PCMTD1: variants seen among roughly 807,000 people sequenced by gnomAD.
PCMTD1 encodes protein-L-isoaspartate (D-aspartate) O-methyltransferase domain containing 1, also known as protein-L-isoaspartate O-methyltransferase domain-containing protein 1.
Under a neutral mutation model 37.6 loss-of-function variants are expected in PCMTD1, and 12 were observed. The ratio of observed to expected loss-of-function variants is 0.32; its 90% CI spans 0.20 to 0.52. The LOEUF is 0.52. Among genes scored for constraint, PCMTD1 ranks in the 20% least tolerant of loss-of-function variants. PCMTD1 has a pLI of 0.97. For synonymous variants in PCMTD1, 117 were observed against 135.8 expected, an observed-to-expected ratio of 0.86 and a Z score of 0.96; for missense variants, 235 against 421.3, an observed-to-expected ratio of 0.56 and a Z score of 3.87.
chr8:51,897,634 G>A (rs905358742), intron 1 of PCMTD1, among the ~76,000 whole-genome samples: 4 of 152,162 alleles, frequency 2.6e-5, no homozygotes, highest in Admixed American at 6.5e-5. Flanking sequence ...TGCTTAATAC[G>A]AAAGTAATGT....
intron 1 of PCMTD1, among the ~76,000 whole-genome samples, chr8:51,875,983 T>C (rs1456699713): frequency 6.6e-5 from 10 of 151,966 alleles, no homozygotes; most frequent in Admixed American, 4.6e-4. Context: ...TGTGTGCATG[T>C]GCGTGCACGC....
rs567207466 is a variant in PCMTD1, at chr8:51,893,563, T to C, written c.-96+5367A>G. On this transcript the variant is annotated intron_variant, in intron 1 of 5. Transcript: ENST00000522514. ...AAGATCAGAGAGTTTATGAGAATAT[T>C]GCAGCTCATTAGAAAACTTGTCTGA... Among the ~76,000 whole-genome samples the C allele has an allele frequency of 7.0e-4, 106 of 152,326 alleles. 1 individual carries two copies. In the South Asian group the frequency reaches 0.022, roughly 31 times the overall value.
rs34125033 is a variant in PCMTD1, at chr8:51,896,883, C to CAAA, written c.-96+2044_-96+2046dup. Reference sequence around the variant, plus strand: ...TCCTGAATATAAACACGCACTATTACAAAAAAAAAAAAAAAGCAATGGGAT... The same window carrying CAAA: ...TCCTGAATATAAACACGCACTATTACAAAAAAAAAAAAAAAAAAGCAATGGGAT... On this transcript the variant is annotated intron_variant, in intron 1 of 5. Coordinates refer to ENST00000522514, the MANE Select transcript of PCMTD1 (RefSeq NM_052937.4). 1.2e-4 allele frequency among the ~76,000 whole-genome samples: 16 copies of CAAA among 128,896 alleles called. No individual in the cohort carries two copies. The South Asian group carries it at 1.4e-3, about 11-fold the overall frequency. 84.6% of individuals were successfully genotyped at this position (128,896 alleles called of 152,430 possible).
At chr8:51,850,265 G>C (rs181084766) in intron 2 of PCMTD1, among the ~76,000 whole-genome samples, 1 of 152,056 alleles carries the variant, frequency 6.6e-6, no homozygotes, top group African/African-American at 2.4e-5. Flanking sequence ...TAATGTAATC[G>C]ACAAACTGTT....
At chr8:51,879,838 T>C (rs897296687) in intron 1 of PCMTD1, among the ~76,000 whole-genome samples, 1 of 152,122 alleles carries the variant, frequency 6.6e-6, no homozygotes, top group Non-Finnish European at 1.5e-5. Flanking sequence ...AAAGGGTTGA[T>C]AGCCAAATTT....
chr8:51,839,615 G>A (rs897263075), intron 3 of PCMTD1: 16 of 985,116 alleles, frequency 1.6e-5, no homozygotes, highest in African/African-American at 3.5e-5. Context: ...CCTCTTAGAC[G>A]GATAGTCTAG....
At chr8:51,888,801 A>G (rs1013622) in intron 1 of PCMTD1, among the ~76,000 whole-genome samples, 77,165 of 152,092 alleles carry the variant, frequency 0.51, 23,691 homozygotes, top group Non-Finnish European at 0.68. Flanking sequence ...TTAGTTCTAC[A>G]GTCTTAGCAA....
rs186567494 is a variant in PCMTD1 at position 51,853,386 on chromosome 8, T to C, written c.307+7459A>G. ...ACTCAGCCTAGGGAAGACTTTGTCA[T>C]AGAAAAACAAAGACAATTCTGTAGG... On this transcript the variant is annotated intron_variant, in intron 2 of 5. Coordinates refer to ENST00000522514, the MANE Select transcript of PCMTD1 (RefSeq NM_052937.4). Among the ~76,000 whole-genome samples, 329 of 152,198 alleles carry C rather than the reference T, an allele frequency of 2.2e-3. 2 individuals carry two copies. Among genetic ancestry groups the C allele is most frequent in the African/African-American group, 7.5e-3 (310 of 41,536 alleles).
intron 1 of PCMTD1, among the ~76,000 whole-genome samples, chr8:51,887,905 G>C (rs1563363987): frequency 6.6e-6 from 1 of 151,860 alleles, no homozygotes; most frequent in South Asian, 2.1e-4. Context: ...ACCACACTCA[G>C]CTAATTTTTT....
intron 3 of PCMTD1, among the ~76,000 whole-genome samples, chr8:51,840,462 GTA>G (rs1247365541): frequency 3.3e-5 from 5 of 151,984 alleles, no homozygotes; most frequent in Non-Finnish European, 7.4e-5. Flanking sequence ...TAACTTTAAA[GTA>G]TATTTACAAT....
chr8:51,892,284 G>A (rs2038946850), intron 1 of PCMTD1, among the ~76,000 whole-genome samples: 1 of 152,130 alleles, frequency 6.6e-6, no homozygotes, highest in Non-Finnish European at 1.5e-5. Flanking sequence ...CCAAACTCCA[G>A]ATACCACGTA....
intron 3 of PCMTD1, 162 bp from the exon 4 acceptor site, chr8:51,833,851 T>C: frequency 2.1e-6 from 1 of 481,318 alleles, no homozygotes; most frequent in Non-Finnish European, 3.5e-6. Context: ...AGTTTAGCAC[T>C]CATCAAATGT....
intron 1 of PCMTD1, among the ~76,000 whole-genome samples, chr8:51,881,513 A>T (rs549187740): frequency 2.0e-5 from 3 of 152,288 alleles, no homozygotes; most frequent in Non-Finnish European, 2.9e-5. Flanking sequence ...AATATTACAA[A>T]TATGATAGCA....
At chr8:51,894,502 C>G (rs2038974456) in intron 1 of PCMTD1, among the ~76,000 whole-genome samples, 1 of 152,154 alleles carries the variant, frequency 6.6e-6, no homozygotes, top group African/African-American at 2.4e-5. Flanking sequence ...CCTTCAAGAT[C>G]ATGAAGTTCC....
rs752306455 is a variant in PCMTD1 at position 51,831,563 on chromosome 8, G to A, written c.587C>T (p.Thr196Ile). The change falls in exon 5 of 6, where the codon ACA becomes ATA. Residue 196 changes from threonine (T) to isoleucine (I), a missense_variant. Physicochemically the swap from Thr to Ile is moderately conservative, Grantham distance 89. Coordinates refer to ENST00000522514, the MANE Select transcript of PCMTD1 (RefSeq NM_052937.4). ...ILVMPIEDQL[T>I]QIMRTGQNTW... ...GTTCTGTCCAGTTCGCATAATCTGT[G>A]TTAACTATTTAGAGAAAAAAAAGAA... 1 of 1,608,896 alleles carries A rather than the reference G, an allele frequency of 6.2e-7. No individual in the cohort carries two copies. Among genetic ancestry groups the A allele is most frequent in the Non-Finnish European group, 8.5e-7 (1 of 1,177,778 alleles).
At chr8:51,868,536 C>A (rs1423115385) in intron 1 of PCMTD1, among the ~76,000 whole-genome samples, 1 of 151,832 alleles carries the variant, frequency 6.6e-6, no homozygotes, top group East Asian at 1.9e-4. Context: ...ATTATTTGAA[C>A]AAAATTGGCA....
In PCMTD1 at chr8:51,833,584, G is replaced by C; in HGVS notation, c.516C>G (p.Asp172Glu). The C allele has an allele frequency of 6.2e-7, 1 of 1,612,476 alleles. No individual in the cohort carries two copies. The change falls in exon 4 of 6, where the codon GAC (aspartate) becomes GAG (glutamate). Residue 172 changes from aspartate to glutamate, a missense_variant. Asp to Glu is a conservative substitution (Grantham distance 45, BLOSUM62 2). This residue lies in a region of PCMTD1 where 183 missense variants were observed against 349.3 expected (regional missense o/e 0.52). Coordinates refer to ENST00000522514, the MANE Select transcript of PCMTD1 (RefSeq NM_052937.4). ...GTAATATTTTCATGTAGTTTTCATG[G>C]TCTTTCTGCACTCCAGCTCCACAAT... ...RIYCGAGVQK[D>E]HENYMKILLK...
chr8:51,822,769 C>G (rs1263133683), intron 5 of PCMTD1, among the ~76,000 whole-genome samples: 1 of 152,098 alleles, frequency 6.6e-6, no homozygotes, highest in East Asian at 1.9e-4. Flanking sequence ...ATGCAAAGAC[C>G]AAGAGTAGAA....
intron 3 of PCMTD1, among the ~76,000 whole-genome samples, chr8:51,842,479 T>C (rs2038161741): frequency 1.3e-5 from 2 of 151,838 alleles, no homozygotes; most frequent in African/African-American, 2.4e-5. Flanking sequence ...CATACCCAGC[T>C]AATTTTTCTA....
Sources: gnomAD v4.1 joint callset for allele counts (sites outside exome capture counted in the v4.1 genomes callset) on GRCh38, gnomAD v4.1.1 for gene constraint, gnomAD v4.1.1 regional missense constraint, MANE v1.5 for transcripts, NCBI Gene and HGNC (gene_info 2026-07-23, HGNC 2026-07-21) for gene names.